The following PDE4D variants were observed in gnomAD, a reference collection of about 807,000 sequenced individuals.
PDE4D encodes the protein phosphodiesterase 4D, also known as 3',5'-cyclic-AMP phosphodiesterase 4D.
In PDE4D, 24 loss-of-function variants were observed where a neutral mutation model predicts 87.4. The ratio of observed to expected loss-of-function variants is 0.27; its 90% CI spans 0.20 to 0.39. The LOEUF (loss-of-function observed/expected upper bound fraction) is 0.39, where lower values mean the gene tolerates loss of function less well. Among genes scored for constraint, PDE4D ranks in the 10% least tolerant of loss-of-function variants. The probability of loss-of-function intolerance (pLI) is 1.00; values close to 1 mark genes in which losing one functional copy is unlikely to be tolerated. For missense variants in PDE4D, 714 were observed against 1,041.0 expected (o/e 0.69, Z 4.32); for synonymous variants, 384 against 383.2 (o/e 1.00, Z -0.02).
At chr5:59,194,899 G>GGGCCTGTGA (rs1745117174) in intron 2 of PDE4D, among the ~76,000 whole-genome samples, 1 of 152,132 alleles carries the variant, frequency 6.6e-6, no homozygotes, top group Non-Finnish European at 1.5e-5. Flanking sequence ...TAAGAGGTGG[G>GGGCCTGTGA]GGCCTGTGAG....
chr5:59,458,071 G>A (rs557905097), intron 1 of PDE4D, among the ~76,000 whole-genome samples: 1 of 152,118 alleles, frequency 6.6e-6, no homozygotes, highest in East Asian at 1.9e-4. Context: ...TTATTATTTT[G>A]CCTTCTAATA....
rs201540124 is a variant in PDE4D at position 59,586,501 on chromosome 5, A to AT, written c.455+306666dup. 4,833 of 1,170,456 alleles carry AT rather than the reference A, an allele frequency of 4.1e-3. 25 individuals carry two copies. The African/African-American group carries it at 0.048, about 12-fold the overall frequency. 72.5% of individuals were successfully genotyped at this position (1,170,456 alleles called of 1,614,324 possible). ...GGGCAATTATTGCAACAAGTATTGA[A>AT]TCCCAAAAAAAAAAAAAAAATCTCC... On this transcript the variant is annotated intron_variant, in intron 1 of 14. Transcript: ENST00000340635.
At chr5:60,443,452 A>G (rs1745399566) in intron 1 of PDE4D, among the ~76,000 whole-genome samples, 1 of 152,212 alleles carries the variant, frequency 6.6e-6, no homozygotes, top group Non-Finnish European at 1.5e-5. Flanking sequence ...TGCTTAGGCA[A>G]TATTTAAGAA....
intron 2 of PDE4D, among the ~76,000 whole-genome samples, chr5:60,046,285 C>T (rs1358993357): frequency 1.3e-5 from 2 of 152,136 alleles, no homozygotes; most frequent in Non-Finnish European, 2.9e-5. Context: ...ATGGGGTTTT[C>T]TAGATATACA....
intron 1 of PDE4D, among the ~76,000 whole-genome samples, chr5:60,197,018 CAGAT>C (rs201360208): frequency 0.034 from 4,236 of 123,452 alleles, 133 homozygotes; most frequent in South Asian, 0.046. Context: ...ACAAGATAGG[CAGAT>C]AGATAGATAG....
intron 1 of PDE4D, among the ~76,000 whole-genome samples, chr5:59,553,600 G>A (rs1818454727): frequency 6.6e-6 from 1 of 152,130 alleles, no homozygotes; most frequent in Admixed American, 6.5e-5. Flanking sequence ...TCTAGATATA[G>A]GGAGTTCTTT....
chr5:59,460,220 AATCCAT>A (rs1256979167), intron 1 of PDE4D, among the ~76,000 whole-genome samples: 1 of 152,152 alleles, frequency 6.6e-6, no homozygotes, highest in Non-Finnish European at 1.5e-5. Context: ...CAAAATGAAA[AATCCAT>A]AGGAAAATGG....
intron 1 of PDE4D, among the ~76,000 whole-genome samples, chr5:59,257,056 T>C (rs1489489934): frequency 6.6e-6 from 1 of 152,076 alleles, no homozygotes; most frequent in African/African-American, 2.4e-5. Context: ...CATACATCTT[T>C]AATAAATGTT....
chr5:60,179,559 G>T (rs1046451329), intron 2 of PDE4D, among the ~76,000 whole-genome samples: 3 of 151,930 alleles, frequency 2.0e-5, no homozygotes, highest in Non-Finnish European at 4.4e-5. Flanking sequence ...AATTATGCAA[G>T]CTATTGGAAG....
At chr5:60,431,782 C>T (rs1311746045) in intron 1 of PDE4D, among the ~76,000 whole-genome samples, 1 of 152,248 alleles carries the variant, frequency 6.6e-6, no homozygotes. Context: ...GCCTGGGCAC[C>T]ACTGAGCACT....
chr5:59,575,976 T>C lies in PDE4D; in HGVS notation c.455+317192A>G, dbSNP rs2153698128. Among the ~76,000 whole-genome samples the C allele has an allele frequency of 2.0e-5, 3 of 152,240 alleles. No homozygotes were observed. In the South Asian group the frequency reaches 6.2e-4, roughly 32 times the overall value. ...TGTCCCTGTATTTACTGAACAAGAA[T>C]GTGATATAGAAGAGGCAGTTTAGAC... On this transcript the variant is annotated intron_variant, in intron 1 of 14. Transcript: ENST00000340635.
intron 1 of PDE4D, among the ~76,000 whole-genome samples, chr5:59,712,168 TCAAA>T (rs1319794282): frequency 3.3e-5 from 5 of 151,866 alleles, no homozygotes; most frequent in Non-Finnish European, 5.9e-5. Context: ...TAAAATAACA[TCAAA>T]CAAAGTTATC....
intron 1 of PDE4D, among the ~76,000 whole-genome samples, chr5:59,771,751 T>C (rs1378267632): frequency 6.6e-6 from 1 of 152,186 alleles, no homozygotes; most frequent in African/African-American, 2.4e-5. Flanking sequence ...TTAAGCTAAA[T>C]AGTAGATATA....
intron 5 of PDE4D, among the ~76,000 whole-genome samples, chr5:59,086,202 C>T (rs1767648194): frequency 6.6e-6 from 1 of 152,112 alleles, no homozygotes; most frequent in Admixed American, 6.6e-5. Context: ...ATGCTTTCCA[C>T]CCTATGCTGT....
chr5:59,691,562 G>A (rs996543423), intron 1 of PDE4D, among the ~76,000 whole-genome samples: 1 of 138,456 alleles, frequency 7.2e-6, no homozygotes, highest in East Asian at 2.3e-4. Context: ...ACACACCGGG[G>A]TCTGTCATGG....
chr5:59,232,133 G>A (rs188309088), intron 1 of PDE4D, among the ~76,000 whole-genome samples: 177 of 152,106 alleles, frequency 1.2e-3, no homozygotes, highest in African/African-American at 4.1e-3. Context: ...CCCTTAAGAC[G>A]TCAAAGCATT....
intron 11 of PDE4D, among the ~76,000 whole-genome samples, chr5:58,982,200 C>T (rs1010082338): frequency 1.3e-5 from 2 of 152,112 alleles, no homozygotes; most frequent in Non-Finnish European, 2.9e-5. Flanking sequence ...GATTCCTGGA[C>T]CCATGAATTC....
At chr5:60,215,975 T>C (rs1387454588) in intron 1 of PDE4D, among the ~76,000 whole-genome samples, 3 of 152,148 alleles carry the variant, frequency 2.0e-5, no homozygotes, top group African/African-American at 4.8e-5. Context: ...GTTGTAGCCA[T>C]AAGAATTTTA....
At chr5:59,563,818 A>C (rs1008813196) in intron 1 of PDE4D, among the ~76,000 whole-genome samples, 4 of 152,226 alleles carry the variant, frequency 2.6e-5, no homozygotes, top group Admixed American at 2.6e-4. Context: ...ACTCCTAAGA[A>C]GAGATGCACA....
Sources: allele counts gnomAD v4.1 joint callset (sites outside exome capture counted in the v4.1 genomes callset), GRCh38; gene constraint gnomAD v4.1.1; transcripts MANE v1.5; gene names NCBI Gene and HGNC (gene_info 2026-07-23, HGNC 2026-07-21).